The following LRRK2 variants were observed in gnomAD, a reference collection of about 807,000 sequenced individuals.
LRRK2 encodes leucine-rich repeat serine/threonine-protein kinase 2.
A neutral mutation model predicts 302.6 loss-of-function variants in LRRK2; 203 were observed. The observed-to-expected ratio is 0.67, with a 90% CI of 0.60 to 0.75. The LOEUF (loss-of-function observed/expected upper bound fraction) is 0.75, where lower values mean the gene tolerates loss of function less well. Among genes scored for constraint, LRRK2 ranks in the 30% least tolerant of loss-of-function variants. LRRK2 has a pLI of 0.00. For missense variants in LRRK2, 2,830 were observed against 2,951.0 expected (o/e 0.96, Z 0.95); for synonymous variants, 1,066 against 1,031.9 (o/e 1.03, Z -0.63).
intron 20 of LRRK2, among the ~76,000 whole-genome samples, chr12:40,289,485 A>G (rs1944059637): frequency 1.3e-5 from 2 of 149,796 alleles, no homozygotes; most frequent in Non-Finnish European, 3.0e-5. Flanking sequence ...GAATTTATTT[A>G]TAAATTAAAT....
At chr12:40,348,320 C>A in intron 42 of LRRK2, 89 bp from the exon 43 acceptor site, 1 of 864,946 alleles carries the variant, frequency 1.2e-6, no homozygotes, top group Non-Finnish European at 1.9e-6. Context: ...TTTTTCTTTG[C>A]AATGTCTGGA....
chr12:40,348,817 A>G (rs1178625759), intron 43 of LRRK2, among the ~76,000 whole-genome samples: 1 of 152,096 alleles, frequency 6.6e-6, no homozygotes, highest in Non-Finnish European at 1.5e-5. Flanking sequence ...TATATATAAC[A>G]TACTAATCCT....
intron 39 of LRRK2, among the ~76,000 whole-genome samples, chr12:40,330,638 C>A (rs1945686106): frequency 6.6e-6 from 1 of 151,898 alleles, no homozygotes; most frequent in Non-Finnish European, 1.5e-5. Flanking sequence ...TACTATGTAC[C>A]AGGTTAGGTG....
intron 4 of LRRK2, 133 bp from the exon 5 acceptor site, chr12:40,237,836 A>AACAG: frequency 1.0e-6 from 1 of 953,736 alleles, no homozygotes; most frequent in South Asian, 1.5e-5. Flanking sequence ...CAAACAAACA[A>AACAG]ACAAACAAAC....
intron 25 of LRRK2, 36 bp from the exon 26 acceptor site, chr12:40,302,753 A>G (rs199493666): frequency 7.3e-7 from 1 of 1,364,444 alleles, no homozygotes; most frequent in Middle Eastern, 1.9e-4. Flanking sequence ...TCTGGTTAAA[A>G]TGATTAAAAT....
chr12:40,349,286 A>C (rs1191933472), intron 43 of LRRK2, among the ~76,000 whole-genome samples: 1 of 151,972 alleles, frequency 6.6e-6, no homozygotes, highest in Non-Finnish European at 1.5e-5. Flanking sequence ...CTCCAGTATT[A>C]CCCTGTCTTA....
intron 16 of LRRK2, among the ~76,000 whole-genome samples, chr12:40,275,300 T>A (rs555437106): frequency 1.4e-4 from 22 of 152,308 alleles, no homozygotes; most frequent in Non-Finnish European, 2.9e-4. Context: ...ATAAATAGAA[T>A]TTATAAATAT....
chr12:40,260,220 G>A (rs1235660783), intron 13 of LRRK2, among the ~76,000 whole-genome samples: 6 of 151,810 alleles, frequency 4.0e-5, no homozygotes, highest in Admixed American at 3.9e-4. Context: ...AAGATGAATT[G>A]GAAAAAAAGC....
In LRRK2 at chr12:40,320,082, T is replaced by G; in HGVS notation, c.4922T>G (p.Phe1641Cys). 6.2e-7 allele frequency: 1 copy of G among 1,611,586 alleles called. No homozygotes were observed. The highest frequency in any genetic ancestry group is 8.5e-7 in the Non-Finnish European group (1 of 1,178,774). The change falls in exon 34 of 51, where the codon TTT (phenylalanine) becomes TGT (cysteine). Residue 1641 changes from phenylalanine to cysteine, a missense_variant. Physicochemically the swap from Phe to Cys is radical, Grantham distance 205 (BLOSUM62 -2). This residue lies in a region of LRRK2 where 2,121 missense variants were observed against 2,148.0 expected (regional missense o/e 0.99). Transcript: ENST00000298910. ...AAATTTCTTTCAAAAAAAAGGAAAT[T>G]TCCAAAGAACTACATGTCACAGTAT... ...VEKFLSKKRK[F>C]PKNYMSQYFK...
At chr12:40,341,374 A>G (rs1946039200) in intron 41 of LRRK2, among the ~76,000 whole-genome samples, 2 of 152,154 alleles carry the variant, frequency 1.3e-5, no homozygotes, top group Non-Finnish European at 2.9e-5. Context: ...TGCGCACTCA[A>G]CTTTTGTACT....
chr12:40,257,192 G>A, intron 11 of LRRK2, 56 bp from the exon 12 acceptor site: 1 of 1,296,134 alleles, frequency 7.7e-7, no homozygotes, highest in East Asian at 2.5e-5. Context: ...AAAGCTTATG[G>A]TAAAATTATG....
intron 38 of LRRK2, among the ~76,000 whole-genome samples, chr12:40,326,813 T>G (rs1170888694): frequency 6.6e-6 from 1 of 152,168 alleles, no homozygotes; most frequent in Non-Finnish European, 1.5e-5. Flanking sequence ...TATTAAGTAC[T>G]GGAGGGATAG....
rs1177319531 is a variant in LRRK2 at position 40,354,426 on chromosome 12, G to C, written c.6704G>C (p.Arg2235Thr). The C allele has an allele frequency of 6.2e-7, 1 of 1,614,122 alleles. No individual in the cohort carries two copies. Among genetic ancestry groups the C allele is most frequent in the Middle Eastern group, 1.6e-4 (1 of 6,062 alleles). The change falls in exon 45 of 51, where the codon AGA becomes ACA. Residue 2235 changes from arginine to threonine, a missense_variant. Coordinates refer to ENST00000298910, the MANE Select transcript of LRRK2 (RefSeq NM_198578.4). ...ATCAATACCGAAGATGGGAAAAAGA[G>C]ACATACCCTAGAAAAGATGACTGAT... The part of the protein sequence containing the change: ...LVINTEDGKK[R>T]HTLEKMTDSV...
At chr12:40,263,040 G>T (rs1942846009) in intron 13 of LRRK2, among the ~76,000 whole-genome samples, 1 of 152,160 alleles carries the variant, frequency 6.6e-6, no homozygotes, top group South Asian at 2.1e-4. Flanking sequence ...TTAAATAAAT[G>T]AAAAGCCTGT....
At position 40,293,761 on chromosome 12, in the gene LRRK2, A is replaced by C. The variant is rs542158864; in HGVS notation, c.2808+98A>C. 57 of 793,920 alleles carry C rather than the reference A, an allele frequency of 7.2e-5. No homozygotes were observed. The African/African-American group carries it at 7.8e-4, about 11-fold the overall frequency. The allele number at this position is 793,920 out of a possible 1,614,324, so 49.2% of individuals were successfully genotyped here. ...CCAAAGCTAGGAACAATTGGTAGGG[A>C]TTTCCCTGATGTATGAAAACTATAA... On this transcript the variant is annotated intron_variant, in intron 21 of 50. Transcript: ENST00000298910.
At chr12:40,304,572 C>G (rs533582383) in intron 27 of LRRK2, 2 of 165,142 alleles carry the variant, frequency 1.2e-5, no homozygotes, top group Non-Finnish European at 2.6e-5. Context: ...TATAGATTAA[C>G]TCAAATTATT....
At chr12:40,302,032 G>C (rs897063274) in intron 25 of LRRK2, among the ~76,000 whole-genome samples, 1 of 152,016 alleles carries the variant, frequency 6.6e-6, no homozygotes, top group Non-Finnish European at 1.5e-5. Flanking sequence ...CAGAAAATTA[G>C]CTGGACATGA....
At chr12:40,252,752 T>C (rs1942329804) in intron 10 of LRRK2, among the ~76,000 whole-genome samples, 158 bp from the exon 11 acceptor site, 2 of 152,168 alleles carry the variant, frequency 1.3e-5, no homozygotes, top group African/African-American at 4.8e-5. Context: ...ATTCGAGTCT[T>C]AAAAAATGAA....
intron 1 of LRRK2, 30 bp downstream of exon 1, chr12:40,225,312 A>G: frequency 6.2e-7 from 1 of 1,612,026 alleles, no homozygotes; most frequent in African/African-American, 1.3e-5. Context: ...CTGTGCTTTT[A>G]TTTTTGCAAA....
Sources: allele counts gnomAD v4.1 joint callset (sites outside exome capture counted in the v4.1 genomes callset), GRCh38; gene constraint gnomAD v4.1.1; regional missense constraint gnomAD v4.1.1; transcripts MANE v1.5; gene names NCBI Gene and HGNC (gene_info 2026-07-23, HGNC 2026-07-21).